CHCHD3: variants seen among roughly 807,000 people sequenced by gnomAD.
The protein encoded by CHCHD3 is coiled-coil-helix-coiled-coil-helix domain containing 3.
In CHCHD3, 20 loss-of-function variants were observed where a neutral mutation model predicts 38.2. The ratio of observed to expected loss-of-function variants is 0.52; its 90% CI spans 0.37 to 0.76. CHCHD3 has a LOEUF of 0.76. Among genes scored for constraint, CHCHD3 ranks in the 30% least tolerant of loss-of-function variants. The probability of loss-of-function intolerance (pLI) is 0.00; values close to 1 mark genes in which losing one functional copy is unlikely to be tolerated. For missense variants in CHCHD3, 245 were observed against 279.2 expected (o/e 0.88, Z 0.87); for synonymous variants, 82 against 100.0 (o/e 0.82, Z 1.07).
chr7:132,865,879 T>A (rs1260117332), intron 5 of CHCHD3, among the ~76,000 whole-genome samples: 2 of 152,174 alleles, frequency 1.3e-5, no homozygotes, highest in Non-Finnish European at 2.9e-5. Flanking sequence ...GAAACACTTG[T>A]GCCTGGGTCG....
chr7:132,978,416 C>T (rs532934729), intron 3 of CHCHD3, among the ~76,000 whole-genome samples: 196 of 152,278 alleles, frequency 1.3e-3, no homozygotes, highest in Admixed American at 2.2e-3. Flanking sequence ...TTGTCCATAG[C>T]TCCATAAGGA....
chr7:132,990,346 T>C (rs1173564153), intron 3 of CHCHD3, among the ~76,000 whole-genome samples: 1 of 152,188 alleles, frequency 6.6e-6, no homozygotes, highest in African/African-American at 2.4e-5. Flanking sequence ...ATGCTGGAGC[T>C]AGACAATCAT....
chr7:132,871,430 T>C (rs1340495200), intron 5 of CHCHD3, among the ~76,000 whole-genome samples: 4 of 152,188 alleles, frequency 2.6e-5, no homozygotes, highest in African/African-American at 9.7e-5. Flanking sequence ...GAATAGACAG[T>C]TCACAATTTA....
chr7:132,806,270 G>T (rs549559741), intron 6 of CHCHD3, among the ~76,000 whole-genome samples: 5 of 152,210 alleles, frequency 3.3e-5, no homozygotes, highest in Non-Finnish European at 5.9e-5. Flanking sequence ...TGAGCAGAGA[G>T]CGTGAGGCAG....
chr7:132,821,164 A>C (rs1807364023), intron 6 of CHCHD3, among the ~76,000 whole-genome samples: 1 of 152,174 alleles, frequency 6.6e-6, no homozygotes, highest in African/African-American at 2.4e-5. Context: ...AGCATCAATT[A>C]AAAAAACACA....
chr7:132,832,597 T>C (rs566702831), intron 6 of CHCHD3, among the ~76,000 whole-genome samples: 1 of 152,358 alleles, frequency 6.6e-6, no homozygotes, highest in African/African-American at 2.4e-5. Flanking sequence ...AAAATGCTTT[T>C]CATTTGTTTA....
intron 3 of CHCHD3, among the ~76,000 whole-genome samples, chr7:133,018,865 C>CA (rs1813096073): frequency 7.3e-6 from 1 of 136,298 alleles, no homozygotes; most frequent in Non-Finnish European, 1.5e-5. Flanking sequence ...ATGCTAGTTG[C>CA]ATGATTTCTC....
chr7:132,790,987 C>T (rs1020796483), intron 7 of CHCHD3, among the ~76,000 whole-genome samples: 1 of 152,156 alleles, frequency 6.6e-6, no homozygotes, highest in Non-Finnish European at 1.5e-5. Context: ...CTGATGAGAC[C>T]TCTGCCAGGT....
chr7:132,801,910 G>A (rs1283040589), intron 6 of CHCHD3, among the ~76,000 whole-genome samples: 3 of 152,188 alleles, frequency 2.0e-5, no homozygotes, highest in Admixed American at 6.5e-5. Context: ...AACGTGACCT[G>A]GAGGGCAGGA....
chr7:132,792,167 G>GTTCCTGGC (rs1440688813), intron 7 of CHCHD3, among the ~76,000 whole-genome samples: 4 of 152,158 alleles, frequency 2.6e-5, no homozygotes, highest in African/African-American at 9.7e-5. Context: ...CAGGCTCCAG[G>GTTCCTGGC]TTCCTGGCTT....
At chr7:132,794,868 T>C (rs2117026702) in intron 7 of CHCHD3, among the ~76,000 whole-genome samples, 1 of 152,334 alleles carries the variant, frequency 6.6e-6, no homozygotes, top group South Asian at 2.1e-4. Context: ...AGCCCCAAGG[T>C]CACAGAGCTG....
At chr7:133,027,106 T>A (rs572065841) in intron 2 of CHCHD3, among the ~76,000 whole-genome samples, 1 of 151,334 alleles carries the variant, frequency 6.6e-6, no homozygotes, top group East Asian at 2.0e-4. Flanking sequence ...CCCAGCTAAT[T>A]TGTGTTATTT....
intron 2 of CHCHD3, among the ~76,000 whole-genome samples, chr7:133,056,374 CT>C (rs1490597039): frequency 6.6e-6 from 1 of 152,160 alleles, no homozygotes; most frequent in Non-Finnish European, 1.5e-5. Flanking sequence ...AATGCCCTTT[CT>C]CCTCCTCGCC....
chr7:132,809,532 A>G (rs1313646867), intron 6 of CHCHD3, among the ~76,000 whole-genome samples: 1 of 152,138 alleles, frequency 6.6e-6, no homozygotes, highest in African/African-American at 2.4e-5. Context: ...TCCACCTACC[A>G]AAGCTAATTT....
Position 133,067,055 on chromosome 7 carries a change from G to A in CHCHD3, c.169+3087C>T, listed in dbSNP as rs185222778. On this transcript the variant is annotated intron_variant, in intron 2 of 7. Coordinates refer to ENST00000262570, the MANE Select transcript of CHCHD3 (RefSeq NM_017812.4). ...ATTGCTCACCAGCTGTGTGACTTTG[G>A]GCAAAATAATTAATCACTTCAAGTC... is the stretch of plus-strand genomic sequence containing the variant. Among the ~76,000 whole-genome samples the A allele has an allele frequency of 1.4e-3, 213 of 152,194 alleles. 1 individual carries two copies. The highest frequency in any genetic ancestry group is 3.4e-3 in the Middle Eastern group (1 of 294).
chr7:132,838,566 G>A, intron 5 of CHCHD3, 97 bp from the exon 6 acceptor site: 1 of 854,460 alleles, frequency 1.2e-6, no homozygotes, highest in Non-Finnish European at 1.9e-6. Context: ...CCTTGTTTCA[G>A]CCACTCAAGC....
chr7:132,985,703 G>T lies in CHCHD3; in HGVS notation c.252-10417C>A, dbSNP rs1318653805. ...TGGGGGGGGGGTCAGCCCCCCGCCC[G>T]GCCAGCCGCCCCATCCGGGAGGGAG... On this transcript the variant is annotated intron_variant, in intron 3 of 7. Transcript: ENST00000262570. 8.4e-5 allele frequency among the ~76,000 whole-genome samples: 7 copies of T among 83,648 alleles called. 2 individuals are homozygous for T. The South Asian group carries it at 1.5e-3, about 18-fold the overall frequency. The allele number at this position is 83,648 out of a possible 152,430, so 54.9% of individuals were successfully genotyped here.
intron 6 of CHCHD3, among the ~76,000 whole-genome samples, chr7:132,825,494 A>G (rs988407928): frequency 2.0e-4 from 30 of 152,342 alleles, no homozygotes; most frequent in African/African-American, 7.2e-4. Context: ...TTGTCAATTA[A>G]CCAGGATGTC....
intron 7 of CHCHD3, among the ~76,000 whole-genome samples, chr7:132,786,317 T>G (rs1307287728): frequency 6.6e-6 from 1 of 152,174 alleles, no homozygotes; most frequent in Non-Finnish European, 1.5e-5. Context: ...AGGGAATCTC[T>G]TCATTAGAGA....
Sources: allele counts gnomAD v4.1 joint callset (sites outside exome capture counted in the v4.1 genomes callset), GRCh38; gene constraint gnomAD v4.1.1; transcripts MANE v1.5; gene names NCBI Gene and HGNC (gene_info 2026-07-23, HGNC 2026-07-21).